DCUN1D1: variants seen among roughly 807,000 people sequenced by gnomAD.
DCUN1D1 encodes the protein defective in cullin neddylation 1 domain containing 1.
In DCUN1D1, 3 loss-of-function variants were observed where a neutral mutation model predicts 39.0. The observed-to-expected ratio is 0.08, with a 90% CI of 0.04 to 0.20. The LOEUF is 0.20. Among genes scored for constraint, DCUN1D1 ranks in the 10% least tolerant of loss-of-function variants. The probability of loss-of-function intolerance (pLI) is 1.00; values close to 1 mark genes in which losing one functional copy is unlikely to be tolerated. For synonymous variants in DCUN1D1, 82 were observed against 96.3 expected (o/e 0.85, Z 0.87); for missense variants, 158 against 302.4 (o/e 0.52, Z 3.54).
Position 182,945,071 on chromosome 3 carries a change from C to T in DCUN1D1, c.*23G>A, listed in dbSNP as rs750851979. ...TTGTATTTATTGTACAGACTATGTACATTCTAGAAGGTTCCTTTAGTGCTA... is the reference window on the plus strand; with the variant it reads ...TTGTATTTATTGTACAGACTATGTATATTCTAGAAGGTTCCTTTAGTGCTA... On this transcript the variant is annotated 3_prime_UTR_variant, in exon 7 of 7. Transcript: ENST00000292782. The T allele has an allele frequency of 1.9e-6, 3 of 1,596,130 alleles. No individual in the cohort carries two copies. The highest frequency in any genetic ancestry group is 2.2e-5 in the East Asian group (1 of 44,748).
intron 4 of DCUN1D1, among the ~76,000 whole-genome samples, chr3:182,958,294 T>C (rs550571061): frequency 6.6e-6 from 1 of 152,122 alleles, no homozygotes; most frequent in Non-Finnish European, 1.5e-5. Context: ...TAGACTTTTT[T>C]AGTTTTAGGT....
At chr3:182,963,827 A>G in intron 3 of DCUN1D1, 54 bp downstream of exon 3, 2 of 1,431,188 alleles carry the variant, frequency 1.4e-6, no homozygotes, top group East Asian at 2.3e-5. Flanking sequence ...AGTTCATGAC[A>G]TAATTCAGTT....
In DCUN1D1 at chr3:182,975,851, T is replaced by TTA. The variant is rs1553845581; in HGVS notation, c.3+4635_3+4636insTA. ...GCTAAGCCTTCATTCCCAGATATGCTAAAAAAAAAAAAAAAAAAAAAAAAG... is the reference window on the plus strand; with the variant it reads ...GCTAAGCCTTCATTCCCAGATATGCTTAAAAAAAAAAAAAAAAAAAAAAAAAG... On this transcript the variant is annotated intron_variant, in intron 1 of 6. Transcript: ENST00000292782. Among the ~76,000 whole-genome samples the TTA allele has an allele frequency of 2.1e-4, 14 of 66,814 alleles. No homozygotes were observed. The South Asian group carries it at 5.4e-3, about 26-fold the overall frequency. The allele number at this position is 66,814 out of a possible 152,430, so 43.8% of individuals were successfully genotyped here.
At chr3:182,948,187 G>A (rs1030677137) in intron 4 of DCUN1D1, among the ~76,000 whole-genome samples, 4 of 152,172 alleles carry the variant, frequency 2.6e-5, no homozygotes, top group African/African-American at 7.2e-5. Context: ...GTTGGAAGGT[G>A]AAGGACTGCT....
Position 182,942,466 on chromosome 3 carries a change from C to A in DCUN1D1, c.*2628G>T, listed in dbSNP as rs1726182672. 6.6e-6 allele frequency: 1 copy of A among 152,108 alleles called. No homozygotes were observed. The highest frequency in any genetic ancestry group is 6.5e-5 in the Admixed American group (1 of 15,268). The allele number at this position is 152,108 out of a possible 1,614,324, so 9.4% of individuals were successfully genotyped here. A position where few individuals can be genotyped will look rare whatever the true frequency, so the allele number is the denominator to read the frequency against. On this transcript the variant is annotated 3_prime_UTR_variant, in exon 7 of 7. Coordinates refer to ENST00000292782, the MANE Select transcript of DCUN1D1 (RefSeq NM_020640.4). ...TACAGAGATATGCAGATGATATTCA[C>A]TAAAGATAATCTTCATCTCAAGTAT...
At chr3:182,971,196 T>TA (rs1444209303) in intron 1 of DCUN1D1, among the ~76,000 whole-genome samples, 2 of 152,226 alleles carry the variant, frequency 1.3e-5, no homozygotes, top group Non-Finnish European at 2.9e-5. Flanking sequence ...GTGTTGAGGT[T>TA]ACACGAATCA....
chr3:182,949,531 G>C (rs1488089750), intron 4 of DCUN1D1, among the ~76,000 whole-genome samples: 1 of 152,086 alleles, frequency 6.6e-6, no homozygotes, highest in East Asian at 1.9e-4. Flanking sequence ...ACCAGCCTGG[G>C]CAACATAGCA....
upstream of DCUN1D1, among the ~76,000 whole-genome samples, chr3:182,984,372 GATAAAGT>G (rs1419043024): frequency 2.6e-5 from 4 of 152,128 alleles, no homozygotes; most frequent in Admixed American, 6.6e-5. Context: ...GCATCCTGAA[GATAAAGT>G]ATAAATTACA....
At position 182,963,852 on chromosome 3, in the gene DCUN1D1, C is replaced by G. The variant is rs190811448; in HGVS notation, c.389+29G>C. The G allele has an allele frequency of 5.9e-6, 9 of 1,512,666 alleles. No individual in the cohort carries two copies. In the Admixed American group the frequency reaches 7.4e-5, roughly 12 times the overall value. 93.7% of individuals were successfully genotyped at this position (1,512,666 alleles called of 1,614,324 possible). ...ATAATTCAGTTCCACAGTAACATAT[C>G]TAATTTCCTATTGTAATTATATACT... On this transcript the variant is annotated intron_variant, in intron 3 of 6. Coordinates refer to ENST00000292782, the MANE Select transcript of DCUN1D1 (RefSeq NM_020640.4).
chr3:182,980,059 G>A, intron 1 of DCUN1D1: 1 of 681,938 alleles, frequency 1.5e-6, no homozygotes, highest in South Asian at 6.5e-5. Context: ...GCTTCGGGGC[G>A]GGGGGAGGCT....
At chr3:182,951,518 A>G (rs1373858895) in intron 4 of DCUN1D1, among the ~76,000 whole-genome samples, 1 of 143,438 alleles carries the variant, frequency 7.0e-6, no homozygotes, top group African/African-American at 2.6e-5. Flanking sequence ...CAAGAGGTTG[A>G]GGCAGGAAGA....
chr3:182,979,120 T>C (rs1222197943), intron 1 of DCUN1D1, among the ~76,000 whole-genome samples: 8 of 152,254 alleles, frequency 5.3e-5, no homozygotes, highest in Non-Finnish European at 8.8e-5. Context: ...TTAGACTGCC[T>C]GGTGGATCTC....
At position 182,941,887 on chromosome 3, in the gene DCUN1D1, T is replaced by C. The variant is rs1037549228; in HGVS notation, c.*3207A>G. Reference sequence around the variant, plus strand: ...TGTGAAAATTACAGAAGGTTTACAATACGTAGTCTTAATAGTAACATGTTT... The same window carrying C: ...TGTGAAAATTACAGAAGGTTTACAACACGTAGTCTTAATAGTAACATGTTT... On this transcript the variant is annotated 3_prime_UTR_variant, in exon 7 of 7. Coordinates refer to ENST00000292782, the MANE Select transcript of DCUN1D1 (RefSeq NM_020640.4). 2.0e-5 allele frequency: 3 copies of C among 152,136 alleles called. No individual in the cohort carries two copies. The highest frequency in any genetic ancestry group is 6.6e-5 in the Admixed American group (1 of 15,264). The allele number at this position is 152,136 out of a possible 1,614,324, so 9.4% of individuals were successfully genotyped here.
chr3:182,965,815 A>G, intron 1 of DCUN1D1, 62 bp from the exon 2 acceptor site: 18 of 1,069,552 alleles, frequency 1.7e-5, no homozygotes, highest in Non-Finnish European at 2.5e-5. Context: ...AAATATTTCT[A>G]TATGGCTAAC....
chr3:182,971,492 G>C (rs1362177766), intron 1 of DCUN1D1, among the ~76,000 whole-genome samples: 1 of 151,502 alleles, frequency 6.6e-6, no homozygotes, highest in Non-Finnish European at 1.5e-5. Context: ...AGGATCACTT[G>C]AGCCCGGGAG....
chr3:182,948,173 A>C (rs1726514250), intron 4 of DCUN1D1, among the ~76,000 whole-genome samples: 1 of 152,204 alleles, frequency 6.6e-6, no homozygotes. Flanking sequence ...ATGTACACCT[A>C]CAGGTTGGAA....
At chr3:182,967,107 CCAAA>C (rs1325717533) in intron 1 of DCUN1D1, among the ~76,000 whole-genome samples, 4 of 142,984 alleles carry the variant, frequency 2.8e-5, no homozygotes, top group African/African-American at 5.5e-5. Context: ...GGCTTCACCT[CCAAA>C]CAAACAAACA....
chr3:182,943,276 T>G lies in DCUN1D1; in HGVS notation c.*1818A>C, dbSNP rs1167795559. The G allele has an allele frequency of 6.7e-6, 1 of 149,684 alleles. No individual in the cohort carries two copies. The highest frequency in any genetic ancestry group is 1.5e-5 in the Non-Finnish European group (1 of 67,132). The allele number at this position is 149,684 out of a possible 1,614,324, so 9.3% of individuals were successfully genotyped here. A position where few individuals can be genotyped will look rare whatever the true frequency, so the allele number is the denominator to read the frequency against. On this transcript the variant is annotated 3_prime_UTR_variant, in exon 7 of 7. Coordinates refer to ENST00000292782, the MANE Select transcript of DCUN1D1 (RefSeq NM_020640.4). ...ATAGATATATATATCTTTTAAAAAT[T>G]TTTCATAATTGAAGTTCCTCTTTAT...
intron 2 of DCUN1D1, among the ~76,000 whole-genome samples, chr3:182,964,993 G>A (rs995366701): frequency 6.6e-6 from 1 of 152,052 alleles, no homozygotes; most frequent in African/African-American, 2.4e-5. Context: ...TAAAAAACAT[G>A]AACATAATTT....
Sources: allele counts gnomAD v4.1 joint callset (sites outside exome capture counted in the v4.1 genomes callset), GRCh38; gene constraint gnomAD v4.1.1; transcripts MANE v1.5; gene names NCBI Gene and HGNC (gene_info 2026-07-23, HGNC 2026-07-21).